PAQR5: variants seen among roughly 807,000 people sequenced by gnomAD.
PAQR5 encodes membrane progestin receptor gamma.
Under a neutral mutation model 34.5 loss-of-function variants are expected in PAQR5, and 20 were observed. The ratio of observed to expected loss-of-function variants is 0.58; its 90% CI spans 0.41 to 0.84. The LOEUF is 0.84. Among genes scored for constraint, PAQR5 ranks in the 40% least tolerant of loss-of-function variants. The pLI is 0.00. For missense variants in PAQR5, 378 were observed against 412.7 expected (o/e 0.92, Z 0.73); for synonymous variants, 131 against 155.6 (o/e 0.84, Z 1.18).
intron 2 of PAQR5, among the ~76,000 whole-genome samples, chr15:69,359,227 G>T (rs2055165116): frequency 6.6e-6 from 1 of 152,172 alleles, no homozygotes; most frequent in Non-Finnish European, 1.5e-5. Context: ...CCTGCTCCTT[G>T]TCACCACATT....
intron 1 of PAQR5, among the ~76,000 whole-genome samples, chr15:69,335,973 G>A (rs888941288): frequency 1.2e-4 from 18 of 152,260 alleles, no homozygotes; most frequent in African/African-American, 3.9e-4. Flanking sequence ...CGATTTTTAT[G>A]TAATGTTAAA....
intron 6 of PAQR5, among the ~76,000 whole-genome samples, chr15:69,392,558 C>T (rs62007328): frequency 6.6e-6 from 1 of 152,154 alleles, no homozygotes; most frequent in Non-Finnish European, 1.5e-5. Context: ...CCAGGTACCA[C>T]GTTAGGAGCT....
intron 1 of PAQR5, among the ~76,000 whole-genome samples, chr15:69,303,560 T>TA (rs112795464): frequency 0.053 from 7,418 of 141,220 alleles, 265 homozygotes; most frequent in East Asian, 0.13. Context: ...CCAGTGCAAT[T>TA]AAAAAAAAAA....
At chr15:69,323,984 C>T (rs891114735) in intron 1 of PAQR5, among the ~76,000 whole-genome samples, 6 of 152,004 alleles carry the variant, frequency 3.9e-5, no homozygotes, top group South Asian at 2.1e-4. Context: ...TGGATGTGGC[C>T]GTAAGTTACC....
intron 7 of PAQR5, among the ~76,000 whole-genome samples, chr15:69,398,683 C>A (rs558074855): frequency 1.3e-5 from 2 of 152,198 alleles, no homozygotes; most frequent in Non-Finnish European, 2.9e-5. Context: ...GGCTGCAGCC[C>A]GTTCCCCTCA....
intron 1 of PAQR5, among the ~76,000 whole-genome samples, chr15:69,306,771 C>T (rs2053726991): frequency 6.6e-6 from 1 of 152,144 alleles, no homozygotes; most frequent in Non-Finnish European, 1.5e-5. Context: ...GCAACCATCA[C>T]CACCATCCAT....
At chr15:69,397,367 C>T (rs2056473193) in intron 6 of PAQR5, 101 bp from the exon 7 acceptor site, 1 of 814,884 alleles carries the variant, frequency 1.2e-6, no homozygotes, top group Non-Finnish European at 2.2e-6. Flanking sequence ...AATGCTTGTC[C>T]TCTGTTGATG....
chr15:69,400,297 T>C (rs1335608552), intron 8 of PAQR5, among the ~76,000 whole-genome samples, 182 bp downstream of exon 8: 2 of 152,188 alleles, frequency 1.3e-5, no homozygotes, highest in African/African-American at 4.8e-5. Context: ...TTAGGTAGCA[T>C]GGGCAGGATG....
At chr15:69,377,683 T>C in intron 3 of PAQR5, among the ~76,000 whole-genome samples, 1 of 152,164 alleles carries the variant, frequency 6.6e-6, no homozygotes, top group East Asian at 1.9e-4. Context: ...ACAGAGGCCC[T>C]GAGAGCTGTG....
intron 2 of PAQR5, among the ~76,000 whole-genome samples, chr15:69,343,492 A>C (rs2054691349): frequency 6.6e-6 from 1 of 152,246 alleles, no homozygotes; most frequent in Non-Finnish European, 1.5e-5. Context: ...TCCACTTGCA[A>C]GTCCTGGTTT....
rs754932346 is a variant in PAQR5, at chr15:69,403,563, C to T, written c.752-18C>T. 1.9e-6 allele frequency: 3 copies of T among 1,612,796 alleles called. No individual in the cohort carries two copies. The highest frequency in any genetic ancestry group is 2.5e-6 in the Non-Finnish European group (3 of 1,178,880). The stretch of plus-strand genomic sequence containing the variant: ...CCTTTTCATTGCTGATCTTGACGGC[C>T]TTTTGTGTTTGCCATAGGTCACAGT... On this transcript the variant is annotated intron_variant, in intron 8 of 8. Coordinates refer to ENST00000395407, the MANE Select transcript of PAQR5 (RefSeq NM_017705.4).
chr15:69,401,089 G>C (rs1036252396), intron 8 of PAQR5: 1 of 152,288 alleles, frequency 6.6e-6, no homozygotes, highest in Admixed American at 6.5e-5. Context: ...TTCTTTCCCC[G>C]CTCTGTCTAG....
intron 1 of PAQR5, among the ~76,000 whole-genome samples, chr15:69,326,996 T>C (rs952674785): frequency 1.5e-4 from 22 of 147,164 alleles, no homozygotes; most frequent in Non-Finnish European, 2.9e-4. Context: ...TCATGCTGGG[T>C]TTTTTTTTTA....
intron 1 of PAQR5, among the ~76,000 whole-genome samples, chr15:69,322,759 A>AAGG (rs2054141889): frequency 4.3e-5 from 2 of 46,870 alleles, no homozygotes; most frequent in African/African-American, 1.5e-4. Flanking sequence ...GAAGAAGAAG[A>AAGG]AGAAGAAGAA....
At chr15:69,360,254 C>T in intron 3 of PAQR5, 123 bp downstream of exon 3, 1 of 617,948 alleles carries the variant, frequency 1.6e-6, no homozygotes, top group Non-Finnish European at 2.9e-6. Flanking sequence ...TCAAGGACCC[C>T]TTCCCACACT....
At chr15:69,365,768 C>T (rs1029861492) in intron 3 of PAQR5, among the ~76,000 whole-genome samples, 5 of 152,104 alleles carry the variant, frequency 3.3e-5, no homozygotes, top group Admixed American at 1.3e-4. Flanking sequence ...TATACATTCC[C>T]GAGTAGTTGG....
chr15:69,353,844 C>A (rs1402745732), intron 2 of PAQR5, among the ~76,000 whole-genome samples: 1 of 152,140 alleles, frequency 6.6e-6, no homozygotes, highest in Non-Finnish European at 1.5e-5. Flanking sequence ...CCAGGAGACA[C>A]AACAATGATT....
chr15:69,375,736 A>G (rs2055688348), intron 3 of PAQR5, among the ~76,000 whole-genome samples: 1 of 152,128 alleles, frequency 6.6e-6, no homozygotes, highest in South Asian at 2.1e-4. Context: ...GTGAAATGAG[A>G]CAATAAAAGG....
chr15:69,397,176 C>T (rs1176826824), intron 6 of PAQR5: 1 of 516,296 alleles, frequency 1.9e-6, no homozygotes, highest in Admixed American at 2.3e-5. Context: ...CATAACTTGG[C>T]CCTTGAAGGG....
Sources: gnomAD v4.1 joint callset for allele counts (sites outside exome capture counted in the v4.1 genomes callset) on GRCh38, gnomAD v4.1.1 for gene constraint, MANE v1.5 for transcripts, NCBI Gene and HGNC (gene_info 2026-07-23, HGNC 2026-07-21) for gene names.